Variants in CLDN16 observed in about 807,000 individuals in gnomAD.
CLDN16 encodes the protein claudin 16.
CLDN16 carries 13 observed loss-of-function variants against 24.6 expected under a neutral mutation model. The observed-to-expected ratio is 0.53, with a 90% confidence interval of 0.34 to 0.84. The LOEUF (loss-of-function observed/expected upper bound fraction) is 0.84. CLDN16 is among the 40% of genes least tolerant of loss of function. The pLI is 0.01. For missense variants in CLDN16, 298 were observed against 292.7 expected, an observed-to-expected ratio of 1.02 and a Z score of -0.13; for synonymous variants, 116 against 106.7, an observed-to-expected ratio of 1.09 and a Z score of -0.54.
the CLDN16 span, chr3:190,306,728 G>A: frequency 2.0e-5 from 3 of 152,774 alleles, no homozygotes; most frequent in South Asian, 4.1e-4. Context: ...TGTACAGACT[G>A]GAAAAGTAAG....
At chr3:190,387,767 G>A (rs1341917616), upstream of CLDN16, 2 of 314,264 alleles carry the variant, frequency 6.4e-6, no homozygotes, top group Non-Finnish European at 1.2e-5. Context: ...TCCCTTGAGC[G>A]AGCACTTGTT....
intron 3 of CLDN16, among the ~76,000 whole-genome samples, chr3:190,377,534 T>C (rs1718272005): frequency 6.6e-6 from 1 of 152,014 alleles, no homozygotes; most frequent in Admixed American, 6.6e-5. Flanking sequence ...AACTCTGTAT[T>C]TTGAGATTCT....
chr3:190,378,674 G>T (rs915329043), intron 3 of CLDN16, among the ~76,000 whole-genome samples: 1 of 151,958 alleles, frequency 6.6e-6, no homozygotes, highest in Non-Finnish European at 1.5e-5. Flanking sequence ...AGGTGAAATG[G>T]AAACTTGTTC....
chr3:190,330,491 C>G (rs902042194), intron 1 of CLDN16, among the ~76,000 whole-genome samples: 4 of 152,156 alleles, frequency 2.6e-5, no homozygotes, highest in African/African-American at 9.7e-5. Flanking sequence ...AGTTACTTAT[C>G]ATCCTCTGGA....
chr3:190,399,296 G>C (rs1718899970), intron 1 of CLDN16, among the ~76,000 whole-genome samples: 1 of 152,136 alleles, frequency 6.6e-6, no homozygotes, highest in Non-Finnish European at 1.5e-5. Flanking sequence ...CTGAGGTCAG[G>C]AGTTCGAGAT....
the CLDN16 span, chr3:190,312,850 A>T: frequency 6.2e-7 from 1 of 1,613,020 alleles, no homozygotes; most frequent in Non-Finnish European, 8.5e-7. Context: ...GTAAGGTGAA[A>T]GGGGGGCACA....
At chr3:190,331,139 T>C (rs897048975) in intron 1 of CLDN16, among the ~76,000 whole-genome samples, 1 of 152,210 alleles carries the variant, frequency 6.6e-6, no homozygotes, top group Non-Finnish European at 1.5e-5. Flanking sequence ...TTAGGGTCAA[T>C]AGATGAGCAT....
intron 1 of CLDN16, among the ~76,000 whole-genome samples, chr3:190,391,398 G>A (rs1718661575): frequency 6.6e-6 from 1 of 151,192 alleles, no homozygotes; most frequent in Non-Finnish European, 1.5e-5. Flanking sequence ...TTTAATGAGG[G>A]GAAAACAAAG....
intron 1 of CLDN16, among the ~76,000 whole-genome samples, chr3:190,370,576 C>T (rs1297611633): frequency 1.3e-5 from 2 of 151,888 alleles, no homozygotes; most frequent in Non-Finnish European, 2.9e-5. Flanking sequence ...GAATGATGAG[C>T]TAAACCTACG....
At chr3:190,402,873 G>A (rs773021130) in intron 2 of CLDN16, among the ~76,000 whole-genome samples, 1 of 152,118 alleles carries the variant, frequency 6.6e-6, no homozygotes, top group Non-Finnish European at 1.5e-5. Flanking sequence ...TCAGTTGAAG[G>A]TTAGCTAAGA....
At chr3:190,322,175 A>T (rs1401183197), upstream of CLDN16, 4 of 1,614,012 alleles carry the variant, frequency 2.5e-6, no homozygotes, top group Non-Finnish European at 3.4e-6. Context: ...GGCGAGAATG[A>T]AGCCCAACAG....
At chr3:190,395,510 C>G (rs554300399) in intron 1 of CLDN16, among the ~76,000 whole-genome samples, 22 of 151,944 alleles carry the variant, frequency 1.4e-4, no homozygotes, top group Non-Finnish European at 2.7e-4. Context: ...AATTTAAATG[C>G]ATTTTATGTT....
the CLDN16 span, among the ~76,000 whole-genome samples, chr3:190,314,876 C>T: frequency 6.6e-6 from 1 of 152,118 alleles, no homozygotes; most frequent in Non-Finnish European, 1.5e-5. Context: ...CACACTGACC[C>T]ACACACTTAT....
At chr3:190,328,695 T>G (rs1717122416) in intron 1 of CLDN16, among the ~76,000 whole-genome samples, 1 of 152,120 alleles carries the variant, frequency 6.6e-6, no homozygotes. Context: ...AAACAAGATT[T>G]TATATATAAA....
At chr3:190,358,790 A>C (rs896652439) in intron 1 of CLDN16, among the ~76,000 whole-genome samples, 1 of 151,990 alleles carries the variant, frequency 6.6e-6, no homozygotes, top group African/African-American at 2.4e-5. Context: ...TAGTTTTTTC[A>C]TTAAATCCAA....
At chr3:190,296,048 T>C in the CLDN16 span, among the ~76,000 whole-genome samples, 2 of 152,210 alleles carry the variant, frequency 1.3e-5, no homozygotes, top group Non-Finnish European at 2.9e-5. Flanking sequence ...TGGAGCCTCA[T>C]TGATCTGACT....
chr3:190,333,973 AT>A (rs1226725010), intron 1 of CLDN16, among the ~76,000 whole-genome samples: 2 of 152,120 alleles, frequency 1.3e-5, no homozygotes, highest in African/African-American at 4.8e-5. Context: ...GTAGAGTGGC[AT>A]CTAAAATTTG....
chr3:190,299,668 T>C, the CLDN16 span, among the ~76,000 whole-genome samples: 5,379 of 152,250 alleles, frequency 0.035, 309 homozygotes, highest in African/African-American at 0.12. Flanking sequence ...CCACAGCATG[T>C]ATTGAAGCAT....
intron 1 of CLDN16, among the ~76,000 whole-genome samples, chr3:190,345,083 A>T (rs1221718262): frequency 1.3e-5 from 2 of 151,992 alleles, no homozygotes; most frequent in Non-Finnish European, 2.9e-5. Context: ...GACTAAAGAC[A>T]CCCCTCTCCA....
Sources: gnomAD v4.1 joint callset for allele counts (sites outside exome capture counted in the v4.1 genomes callset) on GRCh38, gnomAD v4.1.1 for gene constraint, MANE v1.5 for transcripts, NCBI Gene and HGNC (gene_info 2026-07-23, HGNC 2026-07-21) for gene names.